STAG1: variants seen among roughly 807,000 people sequenced by gnomAD.
STAG1 encodes the protein cohesin subunit SA-1.
In STAG1, 26 loss-of-function variants were observed where a neutral mutation model predicts 170.9. The observed-to-expected ratio is 0.15, with a 90% confidence interval of 0.11 to 0.21. STAG1 has a LOEUF of 0.21. STAG1 is among the 10% of genes least tolerant of loss of function. The pLI is 1.00. For missense variants in STAG1, 964 were observed against 1,509.5 expected (o/e 0.64, Z 5.99); for synonymous variants, 514 against 497.7 (o/e 1.03, Z -0.44).
chr3:136,635,494 C>T (rs1208981954), intron 1 of STAG1, among the ~76,000 whole-genome samples: 3 of 152,122 alleles, frequency 2.0e-5, no homozygotes, highest in African/African-American at 4.8e-5. Context: ...TATCTCCAAA[C>T]GCTGCAGCTA....
chr3:136,505,848 T>C (rs1275312725), intron 7 of STAG1, among the ~76,000 whole-genome samples: 1 of 152,210 alleles, frequency 6.6e-6, no homozygotes, highest in African/African-American at 2.4e-5. Context: ...AGTGAAGGAA[T>C]GGTCACATGA....
chr3:136,495,514 G>A (rs1167333497), intron 9 of STAG1, among the ~76,000 whole-genome samples: 2 of 152,084 alleles, frequency 1.3e-5, no homozygotes, highest in Admixed American at 6.6e-5. Flanking sequence ...ATCTGTTCAC[G>A]AACTTATATC....
chr3:136,637,888 T>A (rs1015176094), intron 1 of STAG1, among the ~76,000 whole-genome samples: 29 of 151,630 alleles, frequency 1.9e-4, no homozygotes, highest in African/African-American at 6.5e-4. Flanking sequence ...TTTTTTTTTT[T>A]AAGATGGGAG....
intron 1 of STAG1, among the ~76,000 whole-genome samples, chr3:136,744,407 T>C (rs1217624485): frequency 2.0e-5 from 3 of 152,188 alleles, no homozygotes; most frequent in Non-Finnish European, 4.4e-5. Context: ...TACATGAAGC[T>C]TGAATTTACT....
chr3:136,409,501 T>C (rs1219717536), intron 21 of STAG1, among the ~76,000 whole-genome samples: 5 of 151,990 alleles, frequency 3.3e-5, no homozygotes, highest in African/African-American at 9.7e-5. Context: ...TATGCTCAGC[T>C]AATTTTTGTA....
chr3:136,667,669 T>G (rs1337460469), intron 1 of STAG1, among the ~76,000 whole-genome samples: 2 of 152,098 alleles, frequency 1.3e-5, no homozygotes, highest in Non-Finnish European at 2.9e-5. Flanking sequence ...CTAAGTTTTA[T>G]ATTTTTAGTA....
intron 30 of STAG1, 106 bp from the exon 31 acceptor site, chr3:136,341,657 G>T: frequency 3.0e-6 from 2 of 672,328 alleles, no homozygotes; most frequent in Non-Finnish European, 2.6e-6. Context: ...CCATGTTGGA[G>T]GAATTAGCTG....
intron 5 of STAG1, among the ~76,000 whole-genome samples, chr3:136,552,412 A>C (rs1936443846): frequency 6.6e-6 from 1 of 152,252 alleles, no homozygotes; most frequent in Non-Finnish European, 1.5e-5. Flanking sequence ...AATATTATTT[A>C]TACAAATCCT....
intron 21 of STAG1, among the ~76,000 whole-genome samples, chr3:136,414,575 T>C (rs1303139930): frequency 6.6e-6 from 1 of 152,156 alleles, no homozygotes; most frequent in Non-Finnish European, 1.5e-5. Flanking sequence ...AACACTGATA[T>C]CAACTTCTTC....
intron 22 of STAG1, among the ~76,000 whole-genome samples, chr3:136,381,980 T>C (rs748582731): frequency 6.6e-6 from 1 of 152,182 alleles, no homozygotes; most frequent in Non-Finnish European, 1.5e-5. Context: ...GTACCTAAAA[T>C]AGTGCTTTGC....
chr3:136,525,581 C>G (rs188618139), intron 6 of STAG1, among the ~76,000 whole-genome samples: 19 of 151,890 alleles, frequency 1.3e-4, no homozygotes, highest in South Asian at 8.3e-4. Context: ...AGGGTTTTTT[C>G]TGTCTCTATC....
intron 24 of STAG1, 144 bp from the exon 25 acceptor site, chr3:136,367,226 A>C (rs2108291911): frequency 1.5e-6 from 1 of 665,254 alleles, no homozygotes; most frequent in East Asian, 2.5e-5. Context: ...AAAAACTGTT[A>C]CATTAATTAT....
chr3:136,454,032 G>A (rs971608008), intron 13 of STAG1, among the ~76,000 whole-genome samples: 2 of 151,960 alleles, frequency 1.3e-5, no homozygotes, highest in Admixed American at 6.6e-5. Context: ...CTGTTTAATG[G>A]GTGACTTTCA....
chr3:136,528,820 T>C (rs958147917), intron 6 of STAG1, among the ~76,000 whole-genome samples: 3 of 151,598 alleles, frequency 2.0e-5, no homozygotes, highest in Non-Finnish European at 2.9e-5. Flanking sequence ...TTCCCAGCTA[T>C]TTGGGAGGCT....
chr3:136,751,286 T>C (rs1204003611), intron 1 of STAG1, among the ~76,000 whole-genome samples: 4 of 150,934 alleles, frequency 2.7e-5, no homozygotes, highest in African/African-American at 4.9e-5. Flanking sequence ...ACATTTCAAA[T>C]GTGGGTAGAT....
chr3:136,616,241 C>G (rs565374595), intron 3 of STAG1, among the ~76,000 whole-genome samples: 23 of 150,924 alleles, frequency 1.5e-4, no homozygotes, highest in Admixed American at 1.3e-3. Flanking sequence ...TGCACTCCAG[C>G]CTGGGCGACA....
intron 1 of STAG1, among the ~76,000 whole-genome samples, chr3:136,666,610 G>C (rs1359568068): frequency 6.6e-6 from 1 of 152,064 alleles, no homozygotes; most frequent in Non-Finnish European, 1.5e-5. Context: ...CTGAGGTCAG[G>C]AGTTCAAGAC....
intron 29 of STAG1, among the ~76,000 whole-genome samples, 159 bp from the exon 30 acceptor site, chr3:136,344,165 ACTTC>A (rs1471331616): frequency 6.6e-6 from 1 of 152,196 alleles, no homozygotes; most frequent in Non-Finnish European, 1.5e-5. Flanking sequence ...AAGTCATTAA[ACTTC>A]CAAAGTTGAG....
At chr3:136,697,646 A>G (rs1411776409) in intron 1 of STAG1, among the ~76,000 whole-genome samples, 1 of 152,208 alleles carries the variant, frequency 6.6e-6, no homozygotes, top group African/African-American at 2.4e-5. Context: ...AAAATAAAGC[A>G]TTCTCTCACA....
Sources: allele counts gnomAD v4.1 joint callset (sites outside exome capture counted in the v4.1 genomes callset), GRCh38; gene constraint gnomAD v4.1.1; transcripts MANE v1.5; gene names NCBI Gene and HGNC (gene_info 2026-07-23, HGNC 2026-07-21).